ICA1: variants seen among roughly 807,000 people sequenced by gnomAD.
The protein encoded by ICA1 is 69 kDa islet cell autoantigen.
A neutral mutation model predicts 71.0 loss-of-function variants in ICA1; 40 were observed. The observed-to-expected ratio is 0.56, with a 90% CI of 0.44 to 0.73. The LOEUF is 0.73. Among genes scored for constraint, ICA1 ranks in the 30% least tolerant of loss-of-function variants. ICA1 has a pLI of 0.00. For missense variants in ICA1, 578 were observed against 576.5 expected, an observed-to-expected ratio of 1.00 and a Z score of -0.03; for synonymous variants, 207 against 209.5, an observed-to-expected ratio of 0.99 and a Z score of 0.10.
At chr7:8,152,969 C>T (rs1420113040) in intron 8 of ICA1, among the ~76,000 whole-genome samples, 1 of 151,870 alleles carries the variant, frequency 6.6e-6, no homozygotes, top group African/African-American at 2.4e-5. Context: ...TCATCTCCTC[C>T]ATCACCACTA....
intron 6 of ICA1, among the ~76,000 whole-genome samples, chr7:8,172,872 T>C (rs1006505321): frequency 6.6e-6 from 1 of 152,234 alleles, no homozygotes; most frequent in Admixed American, 6.5e-5. Context: ...TTCTGAGACA[T>C]AATTCATCTT....
chr7:8,198,017 C>G (rs1441717910), intron 6 of ICA1, among the ~76,000 whole-genome samples: 1 of 152,180 alleles, frequency 6.6e-6, no homozygotes, highest in East Asian at 1.9e-4. Flanking sequence ...TTTCTATCAA[C>G]TTTCTTTTGA....
At chr7:8,237,277 C>A (rs1405558389) in intron 1 of ICA1, among the ~76,000 whole-genome samples, 2 of 152,106 alleles carry the variant, frequency 1.3e-5, no homozygotes, top group African/African-American at 2.4e-5. Flanking sequence ...AGTCCTCTCA[C>A]CACCCAGACA....
At chr7:8,141,960 G>A (rs1225951520) in intron 9 of ICA1, 143 bp from the exon 10 acceptor site, 1 of 1,499,114 alleles carries the variant, frequency 6.7e-7, no homozygotes, top group Non-Finnish European at 9.0e-7. Flanking sequence ...TCAACATATA[G>A]TCATTTACAT....
At chr7:8,165,265 T>C (rs184262419) in intron 6 of ICA1, among the ~76,000 whole-genome samples, 2 of 152,394 alleles carry the variant, frequency 1.3e-5, no homozygotes, top group East Asian at 3.9e-4. Flanking sequence ...TCATTTATCA[T>C]ATATGCATCC....
rs896111972 is a variant in ICA1 at position 8,206,690 on chromosome 7, G to A, written c.579+11615C>T. On this transcript the variant is annotated intron_variant, in intron 6 of 13. Coordinates refer to ENST00000402384, the MANE Select transcript of ICA1 (RefSeq NM_001136020.3). The stretch of plus-strand genomic sequence containing the variant: ...GCTTCCAGGCCCTGGAAGCACTTGC[G>A]GTTGCCAGCTTCTCCTGGATCTTTC... Among the ~76,000 whole-genome samples the A allele has an allele frequency of 7.4e-5, 11 of 148,638 alleles. No individual in the cohort carries two copies. The East Asian group carries it at 1.4e-3, about 19-fold the overall frequency.
chr7:8,189,538 T>A (rs1320203477), intron 6 of ICA1, among the ~76,000 whole-genome samples: 1 of 152,172 alleles, frequency 6.6e-6, no homozygotes, highest in African/African-American at 2.4e-5. Context: ...GCAGAATACA[T>A]TTTCCCATGG....
In ICA1 at chr7:8,141,920, A is replaced by G. The variant is rs779972699; in HGVS notation, c.903-103T>C. On this transcript the variant is annotated intron_variant, in intron 9 of 13. Coordinates refer to ENST00000402384, the MANE Select transcript of ICA1 (RefSeq NM_001136020.3). Reference sequence around the variant, plus strand: ...ATTACTTCACTTTTAACACAAACACATACACCACACACACGCACACGAAGA... The same window carrying G: ...ATTACTTCACTTTTAACACAAACACGTACACCACACACACGCACACGAAGA... The G allele has an allele frequency of 1.5e-5, 19 of 1,267,080 alleles. No individual in the cohort carries two copies. In the South Asian group the frequency reaches 2.4e-4, roughly 16 times the overall value. The allele number at this position is 1,267,080 out of a possible 1,614,324, so 78.5% of individuals were successfully genotyped here.
At chr7:8,258,133 T>G (rs984962257) in intron 1 of ICA1, among the ~76,000 whole-genome samples, 4 of 152,188 alleles carry the variant, frequency 2.6e-5, no homozygotes, top group African/African-American at 9.6e-5. Flanking sequence ...TTACCACCTG[T>G]GTCTCTATCT....
intron 8 of ICA1, among the ~76,000 whole-genome samples, chr7:8,146,300 C>T (rs1283647006): frequency 6.6e-6 from 1 of 152,108 alleles, no homozygotes; most frequent in African/African-American, 2.4e-5. Flanking sequence ...AAGGAGCCAG[C>T]CATGTGAAGC....
At chr7:8,165,651 A>T (rs1364654904) in intron 6 of ICA1, among the ~76,000 whole-genome samples, 1 of 152,152 alleles carries the variant, frequency 6.6e-6, no homozygotes. Context: ...AAGCTTCTTG[A>T]TCTGATAAAC....
At chr7:8,256,237 C>T (rs1457031677) in intron 1 of ICA1, among the ~76,000 whole-genome samples, 1 of 152,212 alleles carries the variant, frequency 6.6e-6, no homozygotes, top group African/African-American at 2.4e-5. Flanking sequence ...CGACCTATCA[C>T]TATATGATGC....
At chr7:8,198,648 T>C (rs541403276) in intron 6 of ICA1, among the ~76,000 whole-genome samples, 13 of 152,278 alleles carry the variant, frequency 8.5e-5, no homozygotes, top group Admixed American at 4.6e-4. Context: ...TAAGAAGACA[T>C]AGATCTGGAA....
At chr7:8,232,792 T>C in intron 2 of ICA1, 37 bp from the exon 3 acceptor site, 1 of 1,482,724 alleles carries the variant, frequency 6.7e-7, no homozygotes, top group Non-Finnish European at 9.0e-7. Context: ...TTCACACCTT[T>C]CATAAAGATT....
intron 8 of ICA1, among the ~76,000 whole-genome samples, chr7:8,150,226 G>C (rs1798347786): frequency 6.6e-6 from 1 of 152,178 alleles, no homozygotes; most frequent in African/African-American, 2.4e-5. Flanking sequence ...GGAGGTCTTG[G>C]TTTACCCATG....
chr7:8,141,600 T>C (rs905567209), intron 10 of ICA1, among the ~76,000 whole-genome samples, 165 bp downstream of exon 10: 2 of 152,204 alleles, frequency 1.3e-5, no homozygotes, highest in Non-Finnish European at 2.9e-5. Context: ...GTTGACATGG[T>C]GGATATCTGA....
intron 12 of ICA1, among the ~76,000 whole-genome samples, chr7:8,129,818 A>G (rs991452140): frequency 1.3e-5 from 2 of 151,590 alleles, no homozygotes; most frequent in Middle Eastern, 3.4e-3. Flanking sequence ...TCGTCATTTA[A>G]CATTAGGTAT....
chr7:8,198,007 T>A, intron 6 of ICA1, among the ~76,000 whole-genome samples: 1 of 152,242 alleles, frequency 6.6e-6, no homozygotes, highest in African/African-American at 2.4e-5. Context: ...GAATGATGTA[T>A]TTCTATCAAC....
rs114466571 is a variant in ICA1 at position 8,142,194 on chromosome 7, C to T, written c.903-377G>A. The T allele has an allele frequency of 3.0e-3, 1,163 of 388,386 alleles. 9 individuals are homozygous for T. The highest frequency in any genetic ancestry group is 0.018 in the African/African-American group (866 of 46,940). 24.1% of individuals were successfully genotyped at this position (388,386 alleles called of 1,614,324 possible). On this transcript the variant is annotated intron_variant, in intron 9 of 13. Coordinates refer to ENST00000402384, the MANE Select transcript of ICA1 (RefSeq NM_001136020.3). Reference sequence around the variant, plus strand: ...TGATTCCTAGTGTTATAGGAGAGGACACCTCCAGAGGTTAGCTCGGCTACA... The same window carrying T: ...TGATTCCTAGTGTTATAGGAGAGGATACCTCCAGAGGTTAGCTCGGCTACA...
Sources: gnomAD v4.1 joint callset for allele counts (sites outside exome capture counted in the v4.1 genomes callset) on GRCh38, gnomAD v4.1.1 for gene constraint, MANE v1.5 for transcripts, NCBI Gene and HGNC (gene_info 2026-07-23, HGNC 2026-07-21) for gene names.